Variants in TESK2 observed in about 807,000 individuals in gnomAD.
TESK2 encodes dual specificity testis-specific protein kinase 2.
TESK2 carries 39 observed loss-of-function variants against 57.1 expected under a neutral mutation model. The observed-to-expected ratio is 0.68, with a 90% CI of 0.53 to 0.89. The LOEUF (loss-of-function observed/expected upper bound fraction) is 0.89. Ranked by LOEUF, TESK2 falls within the 40% of genes least tolerant of loss-of-function variation. The pLI, the probability that TESK2 is intolerant of heterozygous loss-of-function variation, is 0.00. For synonymous variants in TESK2, 249 were observed against 267.9 expected, an observed-to-expected ratio of 0.93 and a Z score of 0.69; for missense variants, 646 against 732.1, an observed-to-expected ratio of 0.88 and a Z score of 1.36.
intron 1 of TESK2, among the ~76,000 whole-genome samples, chr1:45,475,549 A>G (rs116351131): frequency 0.012 from 1,839 of 152,312 alleles, 30 homozygotes; most frequent in African/African-American, 0.039. Context: ...GACAGTTGCT[A>G]TCAGTACACA....
intron 4 of TESK2, among the ~76,000 whole-genome samples, chr1:45,377,412 G>C (rs532009139): frequency 8.1e-4 from 121 of 148,522 alleles, no homozygotes; most frequent in Non-Finnish European, 1.5e-3. Context: ...TCTAATAAGA[G>C]AACAAGGATT....
At chr1:45,432,500 G>A (rs933246563) in intron 2 of TESK2, among the ~76,000 whole-genome samples, 4 of 151,352 alleles carry the variant, frequency 2.6e-5, no homozygotes, top group Non-Finnish European at 5.9e-5. Context: ...GACCATCCTG[G>A]CTAACACGGT....
At chr1:45,379,987 C>G (rs1648592396) in intron 4 of TESK2, among the ~76,000 whole-genome samples, 1 of 152,158 alleles carries the variant, frequency 6.6e-6, no homozygotes, top group East Asian at 1.9e-4. Context: ...CAACCTCCAC[C>G]TCCCAGGTTC....
chr1:45,473,225 G>A (rs1247670508), intron 1 of TESK2, among the ~76,000 whole-genome samples: 5 of 151,018 alleles, frequency 3.3e-5, no homozygotes, highest in East Asian at 3.9e-4. Flanking sequence ...AGGTAATACC[G>A]AGTTCCTACC....
At chr1:45,425,309 G>A (rs1209978254) in intron 2 of TESK2, among the ~76,000 whole-genome samples, 2 of 152,068 alleles carry the variant, frequency 1.3e-5, no homozygotes, top group South Asian at 2.1e-4. Flanking sequence ...ATTTATAGTA[G>A]CTCCAAATAA....
At chr1:45,460,348 T>C (rs771744893) in intron 1 of TESK2, among the ~76,000 whole-genome samples, 2 of 151,688 alleles carry the variant, frequency 1.3e-5, no homozygotes, top group Non-Finnish European at 2.9e-5. Context: ...CAAAACCCTC[T>C]CTCTACGAAA....
rs55640040 is a variant in TESK2 at position 45,345,071 on chromosome 1, C to T, written c.1485G>A (p.Glu495=). 325 of 1,614,214 alleles carry T rather than the reference C, an allele frequency of 2.0e-4. 2 individuals are homozygous for T. The East Asian group carries it at 6.3e-3, about 32-fold the overall frequency. ...GGGCAGATGCCCGGAATGGTGGGAT[C>T]TCTTTAACTCTGTACTTGAGACTAC... is the stretch of plus-strand genomic sequence containing the variant. ...RLSSLKYRVK[E]IPPFRASALP... Residue 495 remains glutamate, a synonymous_variant, in exon 11 of 11, where the codon GAG becomes GAA. Coordinates refer to ENST00000372086, the MANE Select transcript of TESK2 (RefSeq NM_007170.3).
intron 7 of TESK2, 74 bp from the exon 8 acceptor site, chr1:45,347,136 C>T: frequency 3.0e-6 from 4 of 1,328,434 alleles, no homozygotes; most frequent in Non-Finnish European, 4.3e-6. Flanking sequence ...CCCCTGCCTC[C>T]CCTGCACCCC....
intron 1 of TESK2, among the ~76,000 whole-genome samples, chr1:45,483,690 A>AGG (rs986747194): frequency 1.3e-5 from 2 of 151,802 alleles, no homozygotes; most frequent in African/African-American, 4.8e-5. Context: ...GGGGCGGCGG[A>AGG]GGGGGGGTCA....
intron 5 of TESK2, 55 bp from the exon 6 acceptor site, chr1:45,348,055 CAT>C (rs1311044380): frequency 8.3e-7 from 1 of 1,204,132 alleles, no homozygotes; most frequent in Non-Finnish European, 1.2e-6. Context: ...GGGGATCAGC[CAT>C]AGAGTTACCA....
At chr1:45,387,272 C>T (rs1272518222) in intron 3 of TESK2, among the ~76,000 whole-genome samples, 1 of 152,100 alleles carries the variant, frequency 6.6e-6, no homozygotes, top group African/African-American at 2.4e-5. Context: ...CACACAGACA[C>T]AAAGTCACTA....
chr1:45,424,255 C>T (rs150717410), intron 2 of TESK2, among the ~76,000 whole-genome samples: 2 of 152,290 alleles, frequency 1.3e-5, no homozygotes, highest in Non-Finnish European at 2.9e-5. Context: ...ACAGGTCAGA[C>T]ATCACAGCTT....
chr1:45,398,307 C>T (rs1426517639), intron 3 of TESK2, among the ~76,000 whole-genome samples: 2 of 152,118 alleles, frequency 1.3e-5, no homozygotes, highest in East Asian at 1.9e-4. Flanking sequence ...TAATCTTTCT[C>T]GAGGCGGGAG....
intron 4 of TESK2, among the ~76,000 whole-genome samples, chr1:45,382,548 A>C (rs1336973656): frequency 6.6e-6 from 1 of 152,084 alleles, no homozygotes; most frequent in Non-Finnish European, 1.5e-5. Flanking sequence ...CTATGCTTTC[A>C]CTTTAACAAA....
chr1:45,442,320 T>C (rs1651478057), intron 2 of TESK2, among the ~76,000 whole-genome samples: 1 of 152,142 alleles, frequency 6.6e-6, no homozygotes, highest in Non-Finnish European at 1.5e-5. Context: ...TTTACATTGA[T>C]ACTTTGCTGT....
intron 4 of TESK2, among the ~76,000 whole-genome samples, chr1:45,363,810 G>A (rs1490699956): frequency 6.6e-6 from 1 of 152,024 alleles, no homozygotes; most frequent in Non-Finnish European, 1.5e-5. Context: ...ACTGCAGTTA[G>A]GCTGGCTAGG....
chr1:45,374,576 G>T (rs1443026494), intron 4 of TESK2, among the ~76,000 whole-genome samples: 5 of 152,072 alleles, frequency 3.3e-5, no homozygotes, highest in African/African-American at 9.7e-5. Context: ...ATCACTGAAT[G>T]ATTTTTTTAT....
At chr1:45,481,642 A>G (rs761489923) in intron 1 of TESK2, among the ~76,000 whole-genome samples, 50 of 152,244 alleles carry the variant, frequency 3.3e-4, no homozygotes, top group Non-Finnish European at 5.3e-4. Context: ...TTTTTTCAAC[A>G]AATATATTTT....
intron 2 of TESK2, among the ~76,000 whole-genome samples, chr1:45,427,440 C>T (rs1048629463): frequency 1.3e-5 from 2 of 152,072 alleles, no homozygotes; most frequent in Non-Finnish European, 2.9e-5. Context: ...ATCGGTATGT[C>T]AAATACATAT....
Sources: gnomAD v4.1 joint callset for allele counts (sites outside exome capture counted in the v4.1 genomes callset) on GRCh38, gnomAD v4.1.1 for gene constraint, MANE v1.5 for transcripts, NCBI Gene and HGNC (gene_info 2026-07-23, HGNC 2026-07-21) for gene names.